Variants in CWC15 observed in about 807,000 individuals in gnomAD.
CWC15 encodes the protein spliceosome-associated protein CWC15 homolog.
CWC15 carries 12 observed loss-of-function variants against 28.4 expected under a neutral mutation model. The ratio of observed to expected loss-of-function variants is 0.42; its 90% CI spans 0.27 to 0.69. The LOEUF is 0.69. Among genes scored for constraint, CWC15 ranks in the 30% least tolerant of loss-of-function variants. CWC15 has a pLI of 0.23. For missense variants in CWC15, 192 were observed against 271.5 expected (o/e 0.71, Z 2.06); for synonymous variants, 92 against 88.4 (o/e 1.04, Z -0.23).
chr11:94,970,959 G>C lies in CWC15; in HGVS notation c.333+18C>G, dbSNP rs782248863. 6.3e-6 allele frequency: 10 copies of C among 1,575,746 alleles called. No individual in the cohort carries two copies. In the Admixed American group the frequency reaches 1.7e-4, roughly 26 times the overall value. The stretch of plus-strand genomic sequence containing the variant: ...GGTAAATCAATTATTAGAGATGAAA[G>C]GAGGAAACAAAACATACATCTGTTA... On this transcript the variant is annotated intron_variant, in intron 4 of 6. Transcript: ENST00000279839.
intron 5 of CWC15, among the ~76,000 whole-genome samples, chr11:94,969,647 G>A (rs1228019466): frequency 6.6e-6 from 1 of 152,176 alleles, no homozygotes; most frequent in Non-Finnish European, 1.5e-5. Context: ...TAGACAAGCA[G>A]AGAGATAATC....
intron 4 of CWC15, 121 bp downstream of exon 4, chr11:94,970,856 T>C (rs1226197695): frequency 1.8e-5 from 15 of 833,784 alleles, no homozygotes; most frequent in Middle Eastern, 2.2e-4. Context: ...GTCAGGGCTA[T>C]ATTTGAATAA....
At chr11:94,973,293 T>A (rs1857756106) in intron 1 of CWC15, 1 of 24,722 alleles carries the variant, frequency 4.0e-5, no homozygotes, top group African/African-American at 1.3e-4. Context: ...CTTTACGCAG[T>A]AGGCGAGCTG....
intron 2 of CWC15, among the ~76,000 whole-genome samples, 166 bp from the exon 3 acceptor site, chr11:94,971,653 C>T (rs1590960705): frequency 6.6e-6 from 1 of 152,252 alleles, no homozygotes; most frequent in African/African-American, 2.4e-5. Flanking sequence ...CTAACAGCCA[C>T]TCTTGTGATG....
chr11:94,970,662 T>C, intron 4 of CWC15: 1 of 299,306 alleles, frequency 3.3e-6, no homozygotes. Flanking sequence ...GTATGAAGAG[T>C]GCCCTGGAGA....
intron 6 of CWC15, among the ~76,000 whole-genome samples, chr11:94,964,144 A>G (rs587755794): frequency 5.9e-5 from 9 of 152,338 alleles, no homozygotes; most frequent in African/African-American, 1.9e-4. Flanking sequence ...ACACCCATAA[A>G]TAAGTTATAA....
At chr11:94,970,191 A>G in intron 4 of CWC15, 95 bp from the exon 5 acceptor site, 1 of 503,380 alleles carries the variant, frequency 2.0e-6, no homozygotes, top group Non-Finnish European at 3.2e-6. Flanking sequence ...AGAAAGTCAA[A>G]ACAATTTTAT....
rs587696527 is a variant in CWC15 at position 94,971,379 on chromosome 11, G to C, written c.240C>G (p.Thr80=). Residue 80 remains threonine, a synonymous_variant, in exon 3 of 7, where the codon ACC becomes ACG. Transcript: ENST00000279839. ...TGTCTTGGATAGTGTTGGTACCTCG[G>C]GTTGGACGATCCCTATTTTTCTCTC... ...AAREKNRDRP[T]REHTTSSSVS... 1 of 1,607,810 alleles carries C rather than the reference G, an allele frequency of 6.2e-7. No homozygotes were observed. The highest frequency in any genetic ancestry group is 1.7e-5 in the Admixed American group (1 of 59,576).
At chr11:94,964,940 T>C (rs995951122) in intron 6 of CWC15, among the ~76,000 whole-genome samples, 4 of 152,258 alleles carry the variant, frequency 2.6e-5, no homozygotes, top group African/African-American at 9.7e-5. Context: ...TCTGAGCTGA[T>C]AACTTCCAAA....
At chr11:94,967,618 T>C (rs1857664035) in intron 5 of CWC15, among the ~76,000 whole-genome samples, 1 of 152,212 alleles carries the variant, frequency 6.6e-6, no homozygotes, top group South Asian at 2.1e-4. Context: ...AAGTTATTAT[T>C]TTAATAATCT....
chr11:94,963,249 A>G lies in CWC15; in HGVS notation c.*136T>C. ...GTCCATTATCAAGTAAGGTATCACTAAAGAAAAAGATAGGAGTTTAAAACT... is the reference window on the plus strand; with the variant it reads ...GTCCATTATCAAGTAAGGTATCACTGAAGAAAAAGATAGGAGTTTAAAACT... On this transcript the variant is annotated 3_prime_UTR_variant, in exon 7 of 7. Transcript: ENST00000279839. 1.6e-6 allele frequency: 1 copy of G among 606,506 alleles called. No homozygotes were observed. Among genetic ancestry groups the G allele is most frequent in the Non-Finnish European group, 2.6e-6 (1 of 383,906 alleles). 37.6% of individuals were successfully genotyped at this position (606,506 alleles called of 1,614,324 possible).
In CWC15 at chr11:94,966,379, C is replaced by T. The variant is rs1349536602; in HGVS notation, c.476G>A (p.Arg159His). The T allele has an allele frequency of 2.6e-6, 4 of 1,554,712 alleles. No homozygotes were observed. The highest frequency in any genetic ancestry group is 3.5e-6 in the Non-Finnish European group (4 of 1,148,364). Residue 159 changes from arginine (R) to histidine (H), a missense_variant, in exon 6 of 7, where the codon CGT becomes CAT. Coordinates refer to ENST00000279839, the MANE Select transcript of CWC15 (RefSeq NM_016403.4). ...GTTTCCGCTCAGAATGTTTTCCATA[C>T]GAATCCTCTCTTCTTCAGCTTTTTG... ...QEQKAEEERI[R>H]MENILSGNPL...
At chr11:94,973,305 CT>C in intron 1 of CWC15, 192 bp downstream of exon 1, 1 of 138,570 alleles carries the variant, frequency 7.2e-6, no homozygotes, top group Non-Finnish European at 1.7e-5. Context: ...GGCGAGCTGC[CT>C]GTACGCTGCG....
chr11:94,967,484 A>T (rs1345144742), intron 5 of CWC15, among the ~76,000 whole-genome samples: 3 of 152,202 alleles, frequency 2.0e-5, no homozygotes, highest in Admixed American at 6.5e-5. Flanking sequence ...TCACTTCTAG[A>T]TCTACCTGTT....
In CWC15 at chr11:94,963,281, G is replaced by A; in HGVS notation, c.*104C>T. 1 of 854,764 alleles carries A rather than the reference G, an allele frequency of 1.2e-6. No homozygotes were observed. The highest frequency in any genetic ancestry group is 1.7e-6 in the Non-Finnish European group (1 of 598,566). The allele number at this position is 854,764 out of a possible 1,614,324, so 52.9% of individuals were successfully genotyped here. A position where few individuals can be genotyped will look rare whatever the true frequency, so the allele number is the denominator to read the frequency against. On this transcript the variant is annotated 3_prime_UTR_variant, in exon 7 of 7. Coordinates refer to ENST00000279839, the MANE Select transcript of CWC15 (RefSeq NM_016403.4). ...AAGATAGGAGTTTAAAACTGGGGAA[G>A]CCCACACACAATTTAGACAGGGGAA...
Position 94,971,369 on chromosome 11 carries a change from T to A in CWC15, c.244+6A>T. ...ATGAGACAAATGTCTTGGATAGTGT[T>A]GGTACCTCGGGTTGGACGATCCCTA... is the stretch of plus-strand genomic sequence containing the variant. On this transcript the variant is annotated splice_donor_region_variant and intron_variant, in intron 3 of 6. Transcript: ENST00000279839. 6.3e-7 allele frequency: 1 copy of A among 1,596,428 alleles called. No homozygotes were observed. Among genetic ancestry groups the A allele is most frequent in the South Asian group, 1.1e-5 (1 of 89,596 alleles).
intron 6 of CWC15, 49 bp downstream of exon 6, chr11:94,966,226 TACACACACACACACACACAC>T (rs58215154): frequency 3.9e-5 from 26 of 670,838 alleles, no homozygotes; most frequent in African/African-American, 7.7e-5. Flanking sequence ...CATACACATA[TACACACACACACACACACAC>T]ACACACACAC....
intron 5 of CWC15, 74 bp from the exon 6 acceptor site, chr11:94,966,487 G>GAA: frequency 1.4e-4 from 72 of 526,522 alleles, no homozygotes; most frequent in South Asian, 1.7e-4. Context: ...TTAGCTCACT[G>GAA]AAAAAAAAAA....
chr11:94,972,224 C>A, intron 1 of CWC15, 31 bp from the exon 2 acceptor site: 1 of 1,595,402 alleles, frequency 6.3e-7, no homozygotes, highest in Non-Finnish European at 8.6e-7. Flanking sequence ...AAGTTATTTC[C>A]AACATTACAA....
Sources: allele counts gnomAD v4.1 joint callset (sites outside exome capture counted in the v4.1 genomes callset), GRCh38; gene constraint gnomAD v4.1.1; transcripts MANE v1.5; gene names NCBI Gene and HGNC (gene_info 2026-07-23, HGNC 2026-07-21).